The following DDX11 variants were observed in gnomAD, a reference collection of about 807,000 sequenced individuals.
The protein encoded by DDX11 is DEAD/H-box helicase 11, also known as ATP-dependent DNA helicase DDX11.
A neutral mutation model predicts 125.2 loss-of-function variants in DDX11; 72 were observed. The observed-to-expected ratio is 0.58, with a 90% CI of 0.48 to 0.70. The LOEUF (loss-of-function observed/expected upper bound fraction) is 0.70. Among genes scored for constraint, DDX11 ranks in the 30% least tolerant of loss-of-function variants. DDX11 has a pLI of 0.00. For synonymous variants in DDX11, 347 were observed against 452.6 expected, an observed-to-expected ratio of 0.77 and a Z score of 2.96; for missense variants, 883 against 1,165.0, an observed-to-expected ratio of 0.76 and a Z score of 3.52.
At position 31,078,371 on chromosome 12, in the gene DDX11, T is replaced by C. The variant is rs1941135568; in HGVS notation, c.-4-19T>C. 6.2e-7 allele frequency: 1 copy of C among 1,605,024 alleles called. No homozygotes were observed. Among genetic ancestry groups the C allele is most frequent in the East Asian group, 2.2e-5 (1 of 44,648 alleles). Reference sequence around the variant, plus strand: ...TGGACCATGAGAGAGCTCCCTAATGTTGTATTTATTTTTCCTAGGTCCATG... The same window carrying C: ...TGGACCATGAGAGAGCTCCCTAATGCTGTATTTATTTTTCCTAGGTCCATG... On this transcript the variant is annotated intron_variant, in intron 1 of 26. Coordinates refer to ENST00000542838, the MANE Select transcript of DDX11 (RefSeq NM_030653.4).
At chr12:31,084,466 C>T (rs1942654270) in intron 3 of DDX11, 117 bp from the exon 4 acceptor site, 9 of 933,612 alleles carry the variant, frequency 9.6e-6, no homozygotes. Flanking sequence ...TGAGTGCTGG[C>T]CGGGGAAGGA....
intron 20 of DDX11, chr12:31,101,340 C>A (rs7965727): frequency 1.7e-6 from 1 of 605,474 alleles, no homozygotes; most frequent in Non-Finnish European, 3.0e-6. Context: ...CCTTAGGCTG[C>A]GAAATATGTA....
intron 25 of DDX11, 87 bp downstream of exon 25, chr12:31,103,482 A>G (rs1946764470): frequency 6.2e-7 from 1 of 1,605,764 alleles, no homozygotes; most frequent in Non-Finnish European, 8.5e-7. Flanking sequence ...CCTGTTTCCT[A>G]TATAAGTCTG....
At position 31,090,765 on chromosome 12, in the gene DDX11, A is replaced by G. The variant is rs554264285; in HGVS notation, c.1089+671A>G. On this transcript the variant is annotated intron_variant, in intron 9 of 26. Coordinates refer to ENST00000542838, the MANE Select transcript of DDX11 (RefSeq NM_030653.4). ...TTCTGTATAATCCAGAAAAAAATGT[A>G]AGGTTTTAAAAGATTCAGGGAACTA... Among the ~76,000 whole-genome samples the G allele has an allele frequency of 2.0e-4, 30 of 152,350 alleles. No individual in the cohort carries two copies. The East Asian group carries it at 3.7e-3, about 19-fold the overall frequency.
chr12:31,097,104 A>G, intron 17 of DDX11, 114 bp downstream of exon 17: 1 of 1,451,712 alleles, frequency 6.9e-7, no homozygotes, highest in South Asian at 1.3e-5. Flanking sequence ...CTGGGTTAGG[A>G]GGAAGCAGTG....
chr12:31,078,755 TC>T (rs904958878), intron 2 of DDX11, among the ~76,000 whole-genome samples: 8 of 151,152 alleles, frequency 5.3e-5, no homozygotes, highest in Non-Finnish European at 1.2e-4. Context: ...TGGGACGATC[TC>T]GGCTCACTGC....
At chr12:31,100,090 G>A (rs990585082) in intron 18 of DDX11, among the ~76,000 whole-genome samples, 1 of 152,202 alleles carries the variant, frequency 6.6e-6, no homozygotes, top group African/African-American at 2.4e-5. Flanking sequence ...AGGTCCGGGG[G>A]CACATGCTGT....
chr12:31,098,377 CA>C (rs1020895662), intron 18 of DDX11, among the ~76,000 whole-genome samples: 1 of 152,280 alleles, frequency 6.6e-6, no homozygotes, highest in South Asian at 2.1e-4. Context: ...GTTTTAAAAA[CA>C]AAAGTACGGC....
rs1208993554 is a variant in DDX11 at position 31,099,068 on chromosome 12, A to C, written c.1875+1071A>C. Among the ~76,000 whole-genome samples, 4 of 105,550 alleles carry C rather than the reference A, an allele frequency of 3.8e-5. No individual in the cohort carries two copies. The East Asian group carries it at 9.7e-4, about 26-fold the overall frequency. The allele number at this position is 105,550 out of a possible 152,430, so 69.2% of individuals were successfully genotyped here. ...GTTTTCAGAATGAATCCATACTGGT[A>C]TTTCTTTCTTTCTTTCTTTTTTTTT... is the stretch of plus-strand genomic sequence containing the variant. On this transcript the variant is annotated intron_variant, in intron 18 of 26. Coordinates refer to ENST00000542838, the MANE Select transcript of DDX11 (RefSeq NM_030653.4).
At chr12:31,081,615 C>G (rs1941958191) in intron 2 of DDX11, among the ~76,000 whole-genome samples, 2 of 151,606 alleles carry the variant, frequency 1.3e-5, no homozygotes, top group South Asian at 4.2e-4. Context: ...TCTAGGGGCT[C>G]TGCACCTTTG....
chr12:31,100,905 G>A, intron 19 of DDX11, 122 bp from the exon 20 acceptor site: 1 of 1,115,668 alleles, frequency 9.0e-7, no homozygotes. Context: ...GTGATGGTGG[G>A]CGGGTGAGCG....
chr12:31,086,094 C>G (rs1943089274), intron 5 of DDX11: 1 of 454,336 alleles, frequency 2.2e-6, no homozygotes, highest in South Asian at 1.6e-5. Context: ...TGAACTTCCT[C>G]CAGCGCACCA....
intron 2 of DDX11, among the ~76,000 whole-genome samples, chr12:31,080,768 A>G (rs761883454): frequency 1.3e-5 from 2 of 152,212 alleles, no homozygotes; most frequent in Non-Finnish European, 2.9e-5. Flanking sequence ...TTTTAGAGAC[A>G]GGGTGTTGCT....
Position 31,084,974 on chromosome 12 carries a change from G to C in DDX11, c.486G>C (p.Gln162His). Residue 162 changes from glutamine (Q) to histidine (H), a missense_variant, in exon 5 of 27, where the codon CAG (glutamine) becomes CAC (histidine). Gln to His is a conservative substitution (Grantham distance 24, BLOSUM62 0). This residue lies in a region of DDX11 where 283 missense variants were observed against 359.6 expected (regional missense o/e 0.79). Coordinates refer to ENST00000542838, the MANE Select transcript of DDX11 (RefSeq NM_030653.4). ...CCTCCACTACCCCTGTCCAGAGGCAGGAAGAAGAAGAAAGAGAGAATCTCC... is the reference window on the plus strand; with the variant it reads ...CCTCCACTACCCCTGTCCAGAGGCACGAAGAAGAAGAAAGAGAGAATCTCC... ...QLKYAAKRLRQEEEERENLLR... is the reference protein window; with the variant it reads ...QLKYAAKRLRHEEEERENLLR... 1.9e-6 allele frequency: 3 copies of C among 1,606,456 alleles called. No individual in the cohort carries two copies. The highest frequency in any genetic ancestry group is 2.6e-6 in the Non-Finnish European group (3 of 1,176,168).
chr12:31,086,577 G>T (rs529239654), intron 5 of DDX11, among the ~76,000 whole-genome samples: 1 of 152,152 alleles, frequency 6.6e-6, no homozygotes, highest in East Asian at 1.9e-4. Flanking sequence ...GCCCGCCTCC[G>T]AGGTCATGTT....
intron 2 of DDX11, among the ~76,000 whole-genome samples, chr12:31,082,981 G>A (rs1176289501): frequency 6.6e-6 from 1 of 152,136 alleles, no homozygotes; most frequent in African/African-American, 2.4e-5. Context: ...TTTAGGCTGG[G>A]TCCCGTCCTA....
At chr12:31,075,592 G>C (rs908595451) in intron 1 of DDX11, among the ~76,000 whole-genome samples, 37 of 152,214 alleles carry the variant, frequency 2.4e-4, no homozygotes, top group African/African-American at 8.4e-4. Flanking sequence ...AACCATTAAA[G>C]AACTGGCCAT....
chr12:31,096,402 C>T (rs1592751615), intron 15 of DDX11, 23 bp downstream of exon 15: 1 of 1,613,300 alleles, frequency 6.2e-7, no homozygotes, highest in African/African-American at 1.3e-5. Flanking sequence ...ATCTTGTGGT[C>T]CTGAACAAGA....
At chr12:31,089,697 C>T (rs1240216102) in intron 8 of DDX11, 189 bp from the exon 9 acceptor site, 26 of 1,233,424 alleles carry the variant, frequency 2.1e-5, no homozygotes, top group Admixed American at 2.0e-5. Flanking sequence ...GATGATTTTA[C>T]GGGCTCTTTC....
Sources: gnomAD v4.1 joint callset for allele counts (sites outside exome capture counted in the v4.1 genomes callset) on GRCh38, gnomAD v4.1.1 for gene constraint, gnomAD v4.1.1 regional missense constraint, MANE v1.5 for transcripts, NCBI Gene and HGNC (gene_info 2026-07-23, HGNC 2026-07-21) for gene names.